Variants in TDRD12 observed in about 807,000 individuals in gnomAD.
The protein encoded by TDRD12 is tudor domain containing 12, also known as putative ATP-dependent RNA helicase TDRD12.
A neutral mutation model predicts 133.5 loss-of-function variants in TDRD12; 158 were observed. The observed-to-expected ratio is 1.18, with a 90% CI of 1.04 to 1.35. The LOEUF (loss-of-function observed/expected upper bound fraction) is 1.35. Ranked by LOEUF, TDRD12 falls within the 40% of genes most tolerant of loss-of-function variation. The pLI, the probability that TDRD12 is intolerant of heterozygous loss-of-function variation, is 0.00. For missense variants in TDRD12, 1,443 were observed against 1,321.3 expected, an observed-to-expected ratio of 1.09 and a Z score of -1.43; for synonymous variants, 460 against 477.9, an observed-to-expected ratio of 0.96 and a Z score of 0.49.
intron 6 of TDRD12, among the ~76,000 whole-genome samples, chr19:32,754,972 C>T (rs2868186): frequency 0.034 from 5,155 of 152,154 alleles, 206 homozygotes; most frequent in East Asian, 0.23. Context: ...TCATAACTGC[C>T]GGAGGAAAAA....
At chr19:32,727,344 T>C (rs181769585) in intron 1 of TDRD12, among the ~76,000 whole-genome samples, 114 of 152,344 alleles carry the variant, frequency 7.5e-4, no homozygotes, top group Non-Finnish European at 6.6e-4. Context: ...TTTTAGGAGT[T>C]CTCTGTATAT....
intron 6 of TDRD12, among the ~76,000 whole-genome samples, chr19:32,754,277 TG>T (rs1969924612): frequency 6.6e-6 from 1 of 152,192 alleles, no homozygotes; most frequent in Non-Finnish European, 1.5e-5. Context: ...GAGACCATCC[TG>T]GGCAACATGG....
chr19:32,796,027 C>A, intron 14 of TDRD12: 1 of 403,484 alleles, frequency 2.5e-6, no homozygotes, highest in Non-Finnish European at 3.4e-6. Flanking sequence ...GGATGCAGAG[C>A]TAAACCATTT....
At chr19:32,755,963 T>C in intron 6 of TDRD12, 29 bp from the exon 7 acceptor site, 2 of 1,398,212 alleles carry the variant, frequency 1.4e-6, no homozygotes, top group African/African-American at 1.5e-5. Context: ...ATTTGTCTTA[T>C]TAGTCATGAA....
exon 5 of TDRD12, chr19:32,748,492 G>T: frequency 6.4e-7 from 1 of 1,551,746 alleles, no homozygotes; most frequent in Non-Finnish European, 8.7e-7. Flanking sequence ...CAAGAAGTGG[G>T]ACAATGCAGC....
Position 32,794,834 on chromosome 19 carries a change from C to T in TDRD12, c.1473+21C>T, listed in dbSNP as rs1215405136. On this transcript the variant is annotated intron_variant, in intron 14 of 27. Transcript: ENST00000444215. The stretch of plus-strand genomic sequence containing the variant: ...ATGGAGTAAGTCAAAGACAGTTTTG[C>T]CTCACAACCAAATGGGTTAAATATT... 4.3e-6 allele frequency: 3 copies of T among 699,960 alleles called. No homozygotes were observed. In the African/African-American group the frequency reaches 5.3e-5, roughly 12 times the overall value. The allele number at this position is 699,960 out of a possible 1,614,324, so 43.4% of individuals were successfully genotyped here. A position where few individuals can be genotyped will look rare whatever the true frequency, so the allele number is the denominator to read the frequency against.
exon 2 of TDRD12, chr19:32,731,788 G>T: frequency 1.3e-6 from 2 of 1,551,190 alleles, no homozygotes; most frequent in Non-Finnish European, 1.7e-6. Flanking sequence ...AGATCATGAT[G>T]TCGATTATCA....
At chr19:32,784,272 G>A (rs970560602) in intron 11 of TDRD12, among the ~76,000 whole-genome samples, 4 of 152,116 alleles carry the variant, frequency 2.6e-5, no homozygotes, top group African/African-American at 9.7e-5. Context: ...TGTTGGTTCT[G>A]TTTATGTGAT....
At chr19:32,796,553 C>T (rs1599598223) in intron 14 of TDRD12, among the ~76,000 whole-genome samples, 1 of 151,702 alleles carries the variant, frequency 6.6e-6, no homozygotes, top group Admixed American at 6.6e-5. Context: ...CCATTGCACT[C>T]CAGCCTGGGC....
intron 2 of TDRD12, among the ~76,000 whole-genome samples, chr19:32,738,424 C>G (rs1173642779): frequency 1.3e-5 from 2 of 152,192 alleles, no homozygotes; most frequent in Admixed American, 6.5e-5. Context: ...CCTGGCATCT[C>G]TTTCCTCTGC....
intron 11 of TDRD12, among the ~76,000 whole-genome samples, chr19:32,777,911 A>G (rs750538814): frequency 4.6e-5 from 5 of 109,730 alleles, no homozygotes; most frequent in South Asian, 3.5e-4. Flanking sequence ...GGGTCTCGCT[A>G]TGTTACCCAG....
intron 17 of TDRD12, 59 bp downstream of exon 17, chr19:32,800,417 G>T (rs1971354924): frequency 3.1e-6 from 4 of 1,287,196 alleles, no homozygotes; most frequent in Non-Finnish European, 3.1e-6. Context: ...GTTGGTGGGG[G>T]GCTGATGAAC....
chr19:32,745,972 TGTG>T (rs981097173), intron 4 of TDRD12, among the ~76,000 whole-genome samples: 12 of 135,136 alleles, frequency 8.9e-5, no homozygotes, highest in Admixed American at 3.9e-4. Context: ...GACTGGCTGA[TGTG>T]GTCATTCTGT....
chr19:32,826,178 T>C (rs774731218), downstream of TDRD12: 92 of 1,534,342 alleles, frequency 6.0e-5, no homozygotes, highest in Non-Finnish European at 5.9e-5. Context: ...CCACTCGGCA[T>C]GGAGGAGTCG....
intron 8 of TDRD12, among the ~76,000 whole-genome samples, chr19:32,759,053 C>G: frequency 6.6e-6 from 1 of 152,000 alleles, no homozygotes; most frequent in East Asian, 1.9e-4. Flanking sequence ...ACCAGCCTGG[C>G]CAACATGGTG....
chr19:32,772,385 A>G (rs575127529), intron 8 of TDRD12, among the ~76,000 whole-genome samples: 38 of 152,192 alleles, frequency 2.5e-4, no homozygotes, highest in Non-Finnish European at 4.9e-4. Context: ...TTCACAGGAA[A>G]GGATCATAGA....
chr19:32,778,843 T>A (rs564684336), intron 11 of TDRD12, among the ~76,000 whole-genome samples: 2 of 152,286 alleles, frequency 1.3e-5, no homozygotes, highest in South Asian at 4.1e-4. Flanking sequence ...TATTAAAAAG[T>A]TCTGTCTTGT....
At chr19:32,827,117 T>C (rs1207041832) in intron 9 of TDRD12, 47 bp from the exon 33 acceptor site, 1 of 1,061,638 alleles carries the variant, frequency 9.4e-7, no homozygotes, top group African/African-American at 1.6e-5. Context: ...AAATAAAGAT[T>C]TGCTGATTAG....
At chr19:32,774,129 T>C (rs1169911736) in intron 10 of TDRD12, among the ~76,000 whole-genome samples, 1 of 152,238 alleles carries the variant, frequency 6.6e-6, no homozygotes, top group Non-Finnish European at 1.5e-5. Context: ...TTAACAAAAT[T>C]GCAGAAAGGA....
Sources: allele counts gnomAD v4.1 joint callset (sites outside exome capture counted in the v4.1 genomes callset), GRCh38; gene constraint gnomAD v4.1.1; transcripts MANE v1.5; gene names NCBI Gene and HGNC (gene_info 2026-07-23, HGNC 2026-07-21).